CHMP3: variants seen among roughly 807,000 people sequenced by gnomAD.
CHMP3 encodes the protein 25.1 protein.
Under a neutral mutation model 27.4 loss-of-function variants are expected in CHMP3, and 8 were observed. The observed-to-expected ratio is 0.29, with a 90% CI of 0.17 to 0.53. The LOEUF (loss-of-function observed/expected upper bound fraction) is 0.53. CHMP3 is among the 20% of genes least tolerant of loss of function. CHMP3 has a pLI of 0.96. For synonymous variants in CHMP3, 86 were observed against 85.5 expected (o/e 1.01, Z -0.03); for missense variants, 208 against 271.5 (o/e 0.77, Z 1.64).
intron 3 of CHMP3, 47 bp from the exon 4 acceptor site, chr2:86,510,526 G>A (rs966477): frequency 0.62 from 993,446 of 1,596,906 alleles, 313,031 homozygotes; most frequent in East Asian, 0.95. Flanking sequence ...GGATGGAATA[G>A]AGAGAGACAG....
chr2:86,521,710 C>T (rs1675530325), intron 3 of CHMP3, among the ~76,000 whole-genome samples: 1 of 152,230 alleles, frequency 6.6e-6, no homozygotes, highest in Non-Finnish European at 1.5e-5. Context: ...GCTCATTTCA[C>T]TTAGCATAAT....
chr2:86,526,872 A>G (rs1266507427), intron 3 of CHMP3, among the ~76,000 whole-genome samples: 4 of 152,066 alleles, frequency 2.6e-5, no homozygotes, highest in African/African-American at 4.8e-5. Context: ...CCCTGCCTAC[A>G]TTTATCCACA....
At chr2:86,558,117 G>T (rs1245716681) in intron 1 of CHMP3, among the ~76,000 whole-genome samples, 1 of 152,162 alleles carries the variant, frequency 6.6e-6, no homozygotes, top group Non-Finnish European at 1.5e-5. Flanking sequence ...CTAAATTAGT[G>T]AAGTCCCTAA....
chr2:86,538,588 G>A (rs571813078), intron 2 of CHMP3, among the ~76,000 whole-genome samples: 1 of 152,260 alleles, frequency 6.6e-6, no homozygotes, highest in South Asian at 2.1e-4. Flanking sequence ...GAACTTCAGG[G>A]TGATTTTAAC....
intron 1 of CHMP3, among the ~76,000 whole-genome samples, chr2:86,560,864 G>A (rs759956473): frequency 3.3e-5 from 5 of 152,124 alleles, no homozygotes; most frequent in Non-Finnish European, 4.4e-5. Context: ...AAGAGAGAAT[G>A]AGGGAGAAGG....
intron 4 of CHMP3, among the ~76,000 whole-genome samples, chr2:86,509,210 C>T (rs1454416983): frequency 6.6e-6 from 1 of 152,190 alleles, no homozygotes; most frequent in African/African-American, 2.4e-5. Flanking sequence ...CCTCTCAGAT[C>T]CTGGTGGCTG....
In CHMP3 at chr2:86,539,272, C is replaced by T. The variant is rs921844282; in HGVS notation, c.106+2980G>A. 2.0e-5 allele frequency among the ~76,000 whole-genome samples: 3 copies of T among 152,244 alleles called. No individual in the cohort carries two copies. The South Asian group carries it at 6.2e-4, about 32-fold the overall frequency. The stretch of plus-strand genomic sequence containing the variant: ...CCATCCCCTTTTTTGGTATCACCAT[C>T]AAGTAGTGAAGTCTCTACTGCATGC... On this transcript the variant is annotated intron_variant, in intron 2 of 5. Transcript: ENST00000263856.
intron 1 of CHMP3, among the ~76,000 whole-genome samples, chr2:86,552,689 T>A (rs566751845): frequency 4.3e-4 from 66 of 152,306 alleles, no homozygotes; most frequent in Admixed American, 3.4e-3. Flanking sequence ...ATTATATGCC[T>A]CCTGATGTGA....
chr2:86,545,955 C>T (rs922729602), intron 1 of CHMP3, among the ~76,000 whole-genome samples: 16 of 152,156 alleles, frequency 1.1e-4, no homozygotes, highest in African/African-American at 2.6e-4. Flanking sequence ...ACTTCCTAGA[C>T]GGGGTGGTGG....
rs1313558984 is a variant in CHMP3, at chr2:86,504,347, G to A, written c.*1457C>T. The A allele has an allele frequency of 1.3e-5, 2 of 152,088 alleles. No homozygotes were observed. Among genetic ancestry groups the A allele is most frequent in the African/African-American group, 4.8e-5 (2 of 41,406 alleles). 9.4% of individuals were successfully genotyped at this position (152,088 alleles called of 1,614,324 possible). A position where few individuals can be genotyped will look rare whatever the true frequency, so the allele number is the denominator to read the frequency against. ...TAGTGGTGGGAGGCTATGCATGTGT[G>A]AGGGCAGGGGATATATGAGAAATTT... On this transcript the variant is annotated 3_prime_UTR_variant, in exon 6 of 6. Coordinates refer to ENST00000263856, the MANE Select transcript of CHMP3 (RefSeq NM_016079.4).
chr2:86,520,123 A>G (rs902627169), intron 3 of CHMP3, among the ~76,000 whole-genome samples: 7 of 152,228 alleles, frequency 4.6e-5, no homozygotes, highest in African/African-American at 1.7e-4. Flanking sequence ...AGGCCAAGAC[A>G]AAGAAATTGG....
chr2:86,516,950 C>CA (rs1675331219), intron 3 of CHMP3, among the ~76,000 whole-genome samples: 1 of 152,134 alleles, frequency 6.6e-6, no homozygotes, highest in African/African-American at 2.4e-5. Flanking sequence ...AGTTTGATTG[C>CA]ATCGATGGCA....
intron 3 of CHMP3, among the ~76,000 whole-genome samples, chr2:86,513,011 TATC>T (rs759617147): frequency 3.3e-5 from 5 of 152,246 alleles, no homozygotes; most frequent in Non-Finnish European, 5.9e-5. Context: ...CCTTGGTAGT[TATC>T]ATAATGAATT....
intron 1 of CHMP3, among the ~76,000 whole-genome samples, chr2:86,554,149 T>G (rs780196208): frequency 6.6e-6 from 1 of 152,196 alleles, no homozygotes; most frequent in Non-Finnish European, 1.5e-5. Context: ...CAAAAAGCAG[T>G]GCCCTCACCA....
intron 1 of CHMP3, among the ~76,000 whole-genome samples, chr2:86,546,047 C>T (rs1038694521): frequency 2.6e-5 from 4 of 152,198 alleles, no homozygotes; most frequent in African/African-American, 4.8e-5. Context: ...GCTGAGATCA[C>T]GCCACTGCAC....
chr2:86,539,929 CTT>C (rs750700922), intron 2 of CHMP3, among the ~76,000 whole-genome samples: 29 of 151,928 alleles, frequency 1.9e-4, no homozygotes, highest in Non-Finnish European at 4.3e-4. Flanking sequence ...TTGAAAATAT[CTT>C]TATTTCACCT....
chr2:86,520,924 A>C (rs958469218), intron 3 of CHMP3, among the ~76,000 whole-genome samples: 3 of 152,240 alleles, frequency 2.0e-5, no homozygotes, highest in Admixed American at 1.3e-4. Context: ...AAGTAACTGA[A>C]GAACCACAAA....
chr2:86,530,745 T>C (rs1392980261), intron 2 of CHMP3, among the ~76,000 whole-genome samples: 1 of 152,228 alleles, frequency 6.6e-6, no homozygotes, highest in African/African-American at 2.4e-5. Context: ...GGAACAGCTG[T>C]ACTGTTTTTC....
chr2:86,563,149 C>T, intron 1 of CHMP3, 155 bp downstream of exon 1: 1 of 869,318 alleles, frequency 1.2e-6, no homozygotes, highest in Non-Finnish European at 1.8e-6. Context: ...CTCCTAAAGA[C>T]TCTTCCTCCG....
Sources: allele counts gnomAD v4.1 joint callset (sites outside exome capture counted in the v4.1 genomes callset), GRCh38; gene constraint gnomAD v4.1.1; transcripts MANE v1.5; gene names NCBI Gene and HGNC (gene_info 2026-07-23, HGNC 2026-07-21).